The following ADAMTSL1 variants were observed in gnomAD, a reference collection of about 807,000 sequenced individuals.
ADAMTSL1 encodes the protein ADAMTS like 1.
In ADAMTSL1, 126 loss-of-function variants were observed where a neutral mutation model predicts 201.8. That is an observed-to-expected ratio of 0.62 (90% confidence interval 0.54 to 0.72). ADAMTSL1 has a LOEUF of 0.72. ADAMTSL1 is among the 30% of genes least tolerant of loss of function. The probability of loss-of-function intolerance (pLI) is 0.00; values close to 1 mark genes in which losing one functional copy is unlikely to be tolerated. For synonymous variants in ADAMTSL1, 1,121 were observed against 903.4 expected (o/e 1.24, Z -4.32); for missense variants, 2,679 against 2,277.8 (o/e 1.18, Z -3.59).
chr9:17,958,058 C>T (rs942901307), intron 1 of ADAMTSL1, among the ~76,000 whole-genome samples: 1 of 152,170 alleles, frequency 6.6e-6, no homozygotes, highest in Admixed American at 6.5e-5. Flanking sequence ...TCACTCTTGT[C>T]TTACTTTTCT....
rs552782979 is a variant in ADAMTSL1 at position 18,753,607 on chromosome 9, G to C, written c.2217+99G>C. ...GTGGTTTTGTCCAGGGATGTTAAAG[G>C]GATGTTCAAGATCTGCTCATTTCTC... is the stretch of plus-strand genomic sequence containing the variant. On this transcript the variant is annotated intron_variant, in intron 16 of 28. Coordinates refer to ENST00000380548, the MANE Select transcript of ADAMTSL1 (RefSeq NM_001040272.6). 5.5e-4 allele frequency: 728 copies of C among 1,313,942 alleles called. 1 individual carries two copies. The highest frequency in any genetic ancestry group is 5.7e-4 in the Non-Finnish European group (538 of 944,856). 81.4% of individuals were successfully genotyped at this position (1,313,942 alleles called of 1,614,324 possible). A position where few individuals can be genotyped will look rare whatever the true frequency, so the allele number is the denominator to read the frequency against.
intron 20 of ADAMTSL1, among the ~76,000 whole-genome samples, chr9:18,814,192 G>C (rs1823691013): frequency 6.6e-6 from 1 of 152,294 alleles, no homozygotes; most frequent in South Asian, 2.1e-4. Context: ...TATCACATTT[G>C]TTGATCTGCG....
At chr9:18,081,158 G>A (rs1295736188) in intron 1 of ADAMTSL1, among the ~76,000 whole-genome samples, 2 of 152,144 alleles carry the variant, frequency 1.3e-5, no homozygotes, top group Admixed American at 1.3e-4. Context: ...GGTGGACTTT[G>A]ATAAGTCTAG....
At chr9:18,082,168 T>C (rs971216942) in intron 1 of ADAMTSL1, among the ~76,000 whole-genome samples, 2 of 152,206 alleles carry the variant, frequency 1.3e-5, no homozygotes, top group Admixed American at 6.5e-5. Flanking sequence ...AGCAGGTTTA[T>C]ATAAAGGCGG....
intron 3 of ADAMTSL1, among the ~76,000 whole-genome samples, chr9:18,542,799 G>A (rs927306182): frequency 1.3e-5 from 2 of 152,114 alleles, no homozygotes; most frequent in Non-Finnish European, 2.9e-5. Flanking sequence ...ACAAAGTACT[G>A]TTTCTGAAAG....
chr9:18,174,685 C>T (rs1026152378), intron 2 of ADAMTSL1, among the ~76,000 whole-genome samples: 2 of 151,950 alleles, frequency 1.3e-5, no homozygotes, highest in African/African-American at 2.4e-5. Context: ...AGATTGTAAT[C>T]GGGCTGACCA....
intron 19 of ADAMTSL1, among the ~76,000 whole-genome samples, chr9:18,782,703 G>A (rs1428038455): frequency 2.0e-5 from 3 of 152,180 alleles, no homozygotes; most frequent in Admixed American, 2.0e-4. Flanking sequence ...ATGATTTGGT[G>A]ACCGCTTTAG....
chr9:18,472,523 G>A (rs925330384), upstream of ADAMTSL1, among the ~76,000 whole-genome samples: 13 of 152,158 alleles, frequency 8.5e-5, no homozygotes, highest in African/African-American at 3.1e-4. Context: ...ATGAAAATAG[G>A]ATTTTTAAAG....
intron 1 of ADAMTSL1, among the ~76,000 whole-genome samples, chr9:17,937,272 A>G (rs903439203): frequency 6.6e-6 from 1 of 152,154 alleles, no homozygotes; most frequent in Non-Finnish European, 1.5e-5. Flanking sequence ...CATCCTCACA[A>G]TAGCCATTTC....
intron 2 of ADAMTSL1, among the ~76,000 whole-genome samples, chr9:18,464,343 T>A (rs1215177876): frequency 1.3e-5 from 2 of 152,228 alleles, no homozygotes; most frequent in Admixed American, 1.3e-4. Flanking sequence ...AATCAGAGAT[T>A]TGATTAACAA....
At chr9:18,312,952 A>G (rs1158784212) in intron 2 of ADAMTSL1, among the ~76,000 whole-genome samples, 1 of 152,176 alleles carries the variant, frequency 6.6e-6, no homozygotes, top group African/African-American at 2.4e-5. Flanking sequence ...ATTCATTTAC[A>G]TTTGGCCAAA....
chr9:17,975,561 T>C (rs2131444341), intron 1 of ADAMTSL1, among the ~76,000 whole-genome samples: 1 of 152,082 alleles, frequency 6.6e-6, no homozygotes, highest in African/African-American at 2.4e-5. Context: ...GGCCATTAGG[T>C]TTCATCATGT....
chr9:18,632,079 T>A (rs1455656809), intron 5 of ADAMTSL1, among the ~76,000 whole-genome samples: 2 of 152,164 alleles, frequency 1.3e-5, no homozygotes, highest in Admixed American at 1.3e-4. Flanking sequence ...ATGTGGCCCC[T>A]GCCTCGCCAG....
intron 21 of ADAMTSL1, among the ~76,000 whole-genome samples, chr9:18,822,491 T>C (rs1161186866): frequency 6.6e-6 from 1 of 152,166 alleles, no homozygotes; most frequent in African/African-American, 2.4e-5. Flanking sequence ...CGGTGTACAC[T>C]TGTTAAGATG....
At chr9:18,270,639 C>T (rs1216228025) in intron 2 of ADAMTSL1, among the ~76,000 whole-genome samples, 1 of 152,136 alleles carries the variant, frequency 6.6e-6, no homozygotes. Context: ...AGAAAGGCAA[C>T]ACAATTTAGA....
chr9:18,031,355 CTG>C (rs1192296344), intron 1 of ADAMTSL1, among the ~76,000 whole-genome samples: 2 of 151,928 alleles, frequency 1.3e-5, no homozygotes, highest in Non-Finnish European at 2.9e-5. Flanking sequence ...GAAGCCTTGA[CTG>C]TGGTGTGTTG....
At chr9:18,363,224 G>C (rs574853516) in intron 2 of ADAMTSL1, among the ~76,000 whole-genome samples, 6 of 152,164 alleles carry the variant, frequency 3.9e-5, no homozygotes, top group Non-Finnish European at 8.8e-5. Context: ...TTGACTGAGG[G>C]ACCCACACCA....
chr9:18,606,468 CA>C (rs1365337175), intron 4 of ADAMTSL1, among the ~76,000 whole-genome samples: 1 of 152,172 alleles, frequency 6.6e-6, no homozygotes, highest in East Asian at 1.9e-4. Context: ...TTTCTCTAAA[CA>C]GAGCGCTCGC....
At chr9:18,411,948 A>G (rs1284761867) in intron 2 of ADAMTSL1, among the ~76,000 whole-genome samples, 1 of 152,186 alleles carries the variant, frequency 6.6e-6, no homozygotes, top group African/African-American at 2.4e-5. Context: ...TCATTATCTA[A>G]GAGGAGATTG....
Sources: allele counts gnomAD v4.1 joint callset (sites outside exome capture counted in the v4.1 genomes callset), GRCh38; gene constraint gnomAD v4.1.1; transcripts MANE v1.5; gene names NCBI Gene and HGNC (gene_info 2026-07-23, HGNC 2026-07-21).